PCDHA3: variants seen among roughly 807,000 people sequenced by gnomAD.
The protein encoded by PCDHA3 is protocadherin alpha 3, also known as protocadherin alpha-3.
In PCDHA3, 41 loss-of-function variants were observed where a neutral mutation model predicts 62.2. That is an observed-to-expected ratio of 0.66 (90% confidence interval 0.51 to 0.86). The LOEUF is 0.86. Ranked by LOEUF, PCDHA3 falls within the 40% of genes least tolerant of loss-of-function variation. The pLI is 0.00. For synonymous variants in PCDHA3, 640 were observed against 555.4 expected, an observed-to-expected ratio of 1.15 and a Z score of -2.14; for missense variants, 1,304 against 1,241.2, an observed-to-expected ratio of 1.05 and a Z score of -0.76.
intron 1 of PCDHA3, chr5:140,834,263 T>C (rs1772873408): frequency 9.0e-6 from 9 of 995,660 alleles, no homozygotes; most frequent in South Asian, 8.2e-5. Flanking sequence ...CGCTCCACTC[T>C]CTTTCACTCT....
intron 1 of PCDHA3, among the ~76,000 whole-genome samples, chr5:140,891,998 A>C (rs1336951985): frequency 2.6e-5 from 4 of 152,200 alleles, no homozygotes; most frequent in Non-Finnish European, 5.9e-5. Flanking sequence ...AGTCTGTGGC[A>C]TTCTGTTATA....
At chr5:140,813,489 C>A (rs1213235742) in intron 1 of PCDHA3, 4 of 152,110 alleles carry the variant, frequency 2.6e-5, no homozygotes, top group African/African-American at 9.7e-5. Flanking sequence ...ATCTAAACAT[C>A]TAAAAGGTAC....
intron 1 of PCDHA3, chr5:140,809,693 C>T: frequency 1.7e-6 from 2 of 1,199,102 alleles, no homozygotes; most frequent in Non-Finnish European, 2.3e-6. Flanking sequence ...TTTACATATC[C>T]ATTTTAACTA....
At chr5:140,849,104 A>G in intron 1 of PCDHA3, 1 of 1,463,110 alleles carries the variant, frequency 6.8e-7, no homozygotes, top group Non-Finnish European at 9.3e-7. Flanking sequence ...TAGACAGAGA[A>G]GAAACTCCGG....
At chr5:140,877,980 T>C in intron 1 of PCDHA3, 1 of 1,219,572 alleles carries the variant, frequency 8.2e-7, no homozygotes. Flanking sequence ...TTCTTACTCA[T>C]TTTGAACTTT....
chr5:140,857,296 G>C (rs2044488261), intron 1 of PCDHA3: 3 of 1,598,562 alleles, frequency 1.9e-6, no homozygotes, highest in Admixed American at 3.4e-5. Flanking sequence ...ACCGCGAGAG[G>C]GTGTCGGCCT....
chr5:140,927,526 G>A, intron 1 of PCDHA3: 1 of 1,614,086 alleles, frequency 6.2e-7, no homozygotes, highest in South Asian at 1.1e-5. Flanking sequence ...CGGGCTACCT[G>A]CCCGCTCAGG....
At chr5:140,815,530 T>TACAC (rs2126665265) in intron 1 of PCDHA3, 1 of 102,342 alleles carries the variant, frequency 9.8e-6, no homozygotes, top group Non-Finnish European at 2.0e-5. Context: ...TTATATTGTG[T>TACAC]ATACATTATT....
At chr5:140,807,236 T>C (rs1763867080) in intron 1 of PCDHA3, 1 of 1,614,204 alleles carries the variant, frequency 6.2e-7, no homozygotes, top group Non-Finnish European at 8.5e-7. Context: ...TCTGCTGCTC[T>C]TACTTCTTCT....
rs2041332150 is a variant in PCDHA3, at chr5:140,850,080, G to T, written c.2394+46489G>T. 56 of 1,596,464 alleles carry T rather than the reference G, an allele frequency of 3.5e-5. 4 individuals are homozygous for T. Among genetic ancestry groups the T allele is most frequent in the Non-Finnish European group, 4.6e-5 (54 of 1,167,848 alleles). ...GCAGCCGTTGGACCACGAGGAGCTG[G>T]AGCTGCTACAGTTCCAGGTGAGCGC... On this transcript the variant is annotated intron_variant, in intron 1 of 3. Coordinates refer to ENST00000522353, the MANE Select transcript of PCDHA3 (RefSeq NM_018906.3).
chr5:140,808,317 A>G, intron 1 of PCDHA3: 1 of 1,614,260 alleles, frequency 6.2e-7, no homozygotes, highest in Non-Finnish European at 8.5e-7. Flanking sequence ...GTGTCCGACA[A>G]AGACATGGGT....
rs2150177047 is a variant in PCDHA3, at chr5:140,829,888, C to A, written c.2394+26297C>A. 3 of 1,613,910 alleles carry A rather than the reference C, an allele frequency of 1.9e-6. No homozygotes were observed. The South Asian group carries it at 3.3e-5, about 18-fold the overall frequency. On this transcript the variant is annotated intron_variant, in intron 1 of 3. Transcript: ENST00000522353. ...TGGCGAAGGTGCGCGCAGTTGACGCCGACTCAGGCTACAACGCGTGGCTTT... is the reference window on the plus strand; with the variant it reads ...TGGCGAAGGTGCGCGCAGTTGACGCAGACTCAGGCTACAACGCGTGGCTTT...
At chr5:140,975,160 T>G (rs2096656216) in intron 1 of PCDHA3, among the ~76,000 whole-genome samples, 1 of 152,194 alleles carries the variant, frequency 6.6e-6, no homozygotes, top group African/African-American at 2.4e-5. Flanking sequence ...CCTAGAGAAC[T>G]GAGGACTCAG....
chr5:140,893,050 A>T (rs967159859), intron 1 of PCDHA3, among the ~76,000 whole-genome samples: 1 of 152,248 alleles, frequency 6.6e-6, no homozygotes, highest in Non-Finnish European at 1.5e-5. Context: ...CTCCAGGCTC[A>T]GCCATACTGC....
At chr5:140,850,301 C>G in intron 1 of PCDHA3, 3 of 1,596,740 alleles carry the variant, frequency 1.9e-6, no homozygotes, top group Non-Finnish European at 2.6e-6. Context: ...CCGACTCGGG[C>G]TACAACGCGT....
chr5:140,883,483 C>A, intron 1 of PCDHA3: 1 of 1,614,196 alleles, frequency 6.2e-7, no homozygotes, highest in African/African-American at 1.3e-5. Flanking sequence ...AGAACTACTA[C>A]TCATTAGTGC....
At chr5:140,994,188 G>T (rs1156320589) in intron 3 of PCDHA3, among the ~76,000 whole-genome samples, 1 of 152,080 alleles carries the variant, frequency 6.6e-6, no homozygotes, top group Non-Finnish European at 1.5e-5. Flanking sequence ...AAACCACCAG[G>T]GCCTGTTGGT....
rs35695909 is a variant in PCDHA3, at chr5:140,914,944, C to CTT, written c.2395-63988_2395-63987dup. Among the ~76,000 whole-genome samples the CTT allele has an allele frequency of 2.2e-4, 28 of 128,250 alleles. 1 individual carries two copies. Among genetic ancestry groups the CTT allele is most frequent in the African/African-American group, 3.1e-4 (11 of 35,118 alleles). 84.1% of individuals were successfully genotyped at this position (128,250 alleles called of 152,430 possible). Reference sequence around the variant, plus strand: ...ATTGTACTATGTTGTGAAAAGTTGTCTTTTTTTTTTTTTTTTTTCTGAGTC... The same window carrying CTT: ...ATTGTACTATGTTGTGAAAAGTTGTCTTTTTTTTTTTTTTTTTTTTCTGAGTC... On this transcript the variant is annotated intron_variant, in intron 1 of 3. Transcript: ENST00000522353.
intron 1 of PCDHA3, among the ~76,000 whole-genome samples, chr5:140,914,503 T>C (rs2879076): frequency 0.12 from 17,707 of 152,222 alleles, 1,150 homozygotes; most frequent in Middle Eastern, 0.19. Context: ...CAACAGATCA[T>C]TGGGTCATGT....
Sources: gnomAD v4.1 joint callset for allele counts (sites outside exome capture counted in the v4.1 genomes callset) on GRCh38, gnomAD v4.1.1 for gene constraint, MANE v1.5 for transcripts, NCBI Gene and HGNC (gene_info 2026-07-23, HGNC 2026-07-21) for gene names.